Variants in C1orf21 observed in about 807,000 individuals in gnomAD.
C1orf21 encodes uncharacterized protein C1orf21.
In C1orf21, 3 loss-of-function variants were observed where a neutral mutation model predicts 18.7. The ratio of observed to expected loss-of-function variants is 0.16; its 90% CI spans 0.07 to 0.42. The LOEUF (loss-of-function observed/expected upper bound fraction) is 0.42. C1orf21 is among the 10% of genes least tolerant of loss of function. The pLI is 0.99. For missense variants in C1orf21, 104 were observed against 143.6 expected, an observed-to-expected ratio of 0.72 and a Z score of 1.41; for synonymous variants, 41 against 46.4, an observed-to-expected ratio of 0.88 and a Z score of 0.47.
intron 1 of C1orf21, among the ~76,000 whole-genome samples, chr1:184,391,367 C>T (rs1166755481): frequency 1.3e-5 from 2 of 152,116 alleles, no homozygotes; most frequent in African/African-American, 4.8e-5. Context: ...TGCAGCTTCC[C>T]CAGTCTAAAA....
intron 2 of C1orf21, among the ~76,000 whole-genome samples, chr1:184,501,661 G>A (rs1397450499): frequency 6.6e-6 from 1 of 152,182 alleles, no homozygotes; most frequent in Non-Finnish European, 1.5e-5. Flanking sequence ...CACAGTAGGT[G>A]CTTTATAAAT....
intron 1 of C1orf21, among the ~76,000 whole-genome samples, chr1:184,389,004 G>A (rs1655930696): frequency 6.6e-6 from 1 of 152,136 alleles, no homozygotes; most frequent in Admixed American, 6.5e-5. Flanking sequence ...ATTTGGATTG[G>A]ATCACCTATT....
Position 184,623,109 on chromosome 1 carries a change from T to C in C1orf21, c.*3553T>C, listed in dbSNP as rs1190845901. 6.6e-6 allele frequency: 1 copy of C among 152,252 alleles called. No individual in the cohort carries two copies. The highest frequency in any genetic ancestry group is 2.4e-5 in the African/African-American group (1 of 41,464). 9.4% of individuals were successfully genotyped at this position (152,252 alleles called of 1,614,324 possible). On this transcript the variant is annotated 3_prime_UTR_variant, in exon 6 of 6. Transcript: ENST00000235307. ...CTTACAAACTTTACCTCATAGCCTGTGAAGCAGGTTGGCATGTGGATTACA... is the reference window on the plus strand; with the variant it reads ...CTTACAAACTTTACCTCATAGCCTGCGAAGCAGGTTGGCATGTGGATTACA...
At chr1:184,602,370 A>G (rs950483476) in intron 5 of C1orf21, among the ~76,000 whole-genome samples, 1 of 152,204 alleles carries the variant, frequency 6.6e-6, no homozygotes, top group African/African-American at 2.4e-5. Context: ...AATCTGATTT[A>G]CTTTTGCTTT....
intron 4 of C1orf21, among the ~76,000 whole-genome samples, chr1:184,597,929 T>C (rs1192977815): frequency 1.3e-5 from 2 of 152,190 alleles, no homozygotes; most frequent in Non-Finnish European, 2.9e-5. Flanking sequence ...GTCCTCAGCT[T>C]GTTTGCCACC....
intron 2 of C1orf21, among the ~76,000 whole-genome samples, chr1:184,498,276 C>T (rs561178691): frequency 2.0e-5 from 3 of 152,250 alleles, no homozygotes; most frequent in African/African-American, 4.8e-5. Flanking sequence ...TTTCATTCAC[C>T]GAAATTCACT....
chr1:184,564,185 A>ATAACAAC (rs1659002670), intron 3 of C1orf21, among the ~76,000 whole-genome samples: 1 of 152,258 alleles, frequency 6.6e-6, no homozygotes, highest in South Asian at 2.1e-4. Flanking sequence ...AGAAGTAATA[A>ATAACAAC]TAACAACTAC....
intron 1 of C1orf21, among the ~76,000 whole-genome samples, chr1:184,429,791 T>G (rs1656705361): frequency 6.6e-6 from 1 of 152,082 alleles, no homozygotes; most frequent in Admixed American, 6.6e-5. Context: ...GTGATATACT[T>G]TGGGACATAC....
At chr1:184,558,557 A>G (rs1658910823) in intron 3 of C1orf21, among the ~76,000 whole-genome samples, 2 of 152,192 alleles carry the variant, frequency 1.3e-5, no homozygotes, top group Admixed American at 6.5e-5. Flanking sequence ...TATCCAATAT[A>G]GACTCCCTTT....
At chr1:184,540,573 G>A (rs1451465142) in intron 3 of C1orf21, among the ~76,000 whole-genome samples, 1 of 152,068 alleles carries the variant, frequency 6.6e-6, no homozygotes, top group African/African-American at 2.4e-5. Context: ...GGGACTACAG[G>A]TGCATGACAC....
intron 3 of C1orf21, among the ~76,000 whole-genome samples, chr1:184,587,252 G>A (rs1659366631): frequency 7.4e-6 from 1 of 135,852 alleles, no homozygotes; most frequent in Non-Finnish European, 1.6e-5. Flanking sequence ...GACAGCCTTG[G>A]CTATTTGGGC....
At position 184,622,652 on chromosome 1, in the gene C1orf21, G is replaced by C. The variant is rs1167682928; in HGVS notation, c.*3096G>C. 6.5e-6 allele frequency: 1 copy of C among 152,842 alleles called. No individual in the cohort carries two copies. Among genetic ancestry groups the C allele is most frequent in the East Asian group, 1.9e-4 (1 of 5,210 alleles). The allele number at this position is 152,842 out of a possible 1,614,324, so 9.5% of individuals were successfully genotyped here. On this transcript the variant is annotated 3_prime_UTR_variant, in exon 6 of 6. Transcript: ENST00000235307. ...ATAAAGTCCAGAGATGAGAAAACTG[G>C]GTCAGCCCTCAGAAACTGCAGCAGC...
chr1:184,465,140 T>C (rs1189661120), intron 1 of C1orf21, among the ~76,000 whole-genome samples: 1 of 152,170 alleles, frequency 6.6e-6, no homozygotes, highest in African/African-American at 2.4e-5. Context: ...AGGTATATCT[T>C]AGACTTTACC....
rs150463605 is a variant in C1orf21, at chr1:184,578,930, A to T, written c.190-11809A>T. On this transcript the variant is annotated intron_variant, in intron 3 of 5. Transcript: ENST00000235307. ...GTTTGAGACAGCTTTGTAAGCAATG[A>T]TATCCGTCATTTAGTCCATCACTGA... Among the ~76,000 whole-genome samples the T allele has an allele frequency of 2.0e-3, 301 of 150,852 alleles. 1 individual carries two copies. The highest frequency in any genetic ancestry group is 7.2e-3 in the African/African-American group (297 of 41,108).
chr1:184,404,682 C>T (rs1656217752), intron 1 of C1orf21, among the ~76,000 whole-genome samples: 1 of 152,142 alleles, frequency 6.6e-6, no homozygotes, highest in African/African-American at 2.4e-5. Flanking sequence ...ATAGCAAGGC[C>T]CATCCCAGAA....
intron 3 of C1orf21, among the ~76,000 whole-genome samples, chr1:184,569,689 C>G (rs1273451290): frequency 6.6e-6 from 1 of 152,106 alleles, no homozygotes; most frequent in African/African-American, 2.4e-5. Context: ...AGACTTCCAT[C>G]CCTAAAAAAT....
chr1:184,529,316 A>G (rs1658424604), intron 3 of C1orf21, among the ~76,000 whole-genome samples: 1 of 152,168 alleles, frequency 6.6e-6, no homozygotes, highest in African/African-American at 2.4e-5. Flanking sequence ...GAAGTGAAAG[A>G]TACAGGATTT....
intron 3 of C1orf21, among the ~76,000 whole-genome samples, chr1:184,569,178 A>C (rs947653852): frequency 2.0e-5 from 3 of 152,198 alleles, no homozygotes; most frequent in African/African-American, 7.2e-5. Context: ...CACAAGCCTG[A>C]TGGAGTGTAC....
At chr1:184,618,207 C>A (rs1179025917) in intron 5 of C1orf21, among the ~76,000 whole-genome samples, 3 of 152,134 alleles carry the variant, frequency 2.0e-5, no homozygotes, top group Non-Finnish European at 2.9e-5. Context: ...CCGTGTCCAG[C>A]CAGCAGTATT....
Sources: gnomAD v4.1 joint callset for allele counts (sites outside exome capture counted in the v4.1 genomes callset) on GRCh38, gnomAD v4.1.1 for gene constraint, MANE v1.5 for transcripts, NCBI Gene and HGNC (gene_info 2026-07-23, HGNC 2026-07-21) for gene names.